Variants in CADM1 observed in about 807,000 individuals in gnomAD.
CADM1 encodes the protein TSLC-1.
A neutral mutation model predicts 53.1 loss-of-function variants in CADM1; 15 were observed. The ratio of observed to expected loss-of-function variants is 0.28; its 90% CI spans 0.19 to 0.44. The LOEUF (loss-of-function observed/expected upper bound fraction) is 0.44. CADM1 is among the 20% of genes least tolerant of loss of function. The pLI is 1.00. For missense variants in CADM1, 434 were observed against 611.3 expected, an observed-to-expected ratio of 0.71 and a Z score of 3.06; for synonymous variants, 281 against 243.0, an observed-to-expected ratio of 1.16 and a Z score of -1.45.
At chr11:115,358,174 C>T (rs1190339406) in intron 1 of CADM1, among the ~76,000 whole-genome samples, 1 of 151,434 alleles carries the variant, frequency 6.6e-6, no homozygotes, top group Non-Finnish European at 1.5e-5. Flanking sequence ...GCAGCACCAT[C>T]CACCACCTCT....
intron 1 of CADM1, among the ~76,000 whole-genome samples, chr11:115,354,280 T>C (rs552306956): frequency 1.3e-5 from 2 of 152,336 alleles, no homozygotes; most frequent in African/African-American, 4.8e-5. Flanking sequence ...TAAGCATGAT[T>C]ATTCATGTTT....
chr11:115,410,636 C>T (rs905390306), intron 1 of CADM1, among the ~76,000 whole-genome samples: 1 of 151,970 alleles, frequency 6.6e-6, no homozygotes. Flanking sequence ...CAGAAAGGTG[C>T]TCTTCGATGT....
chr11:115,395,255 C>A (rs1488551630), intron 1 of CADM1, among the ~76,000 whole-genome samples: 1 of 152,076 alleles, frequency 6.6e-6, no homozygotes, highest in Non-Finnish European at 1.5e-5. Context: ...ACGTAAAGTA[C>A]AGAAAACAAA....
At chr11:115,205,147 A>T (rs1033118158) in intron 8 of CADM1, among the ~76,000 whole-genome samples, 4 of 152,174 alleles carry the variant, frequency 2.6e-5, no homozygotes, top group African/African-American at 9.7e-5. Flanking sequence ...AACTCCTCCC[A>T]GCCTGAATTT....
At chr11:115,248,322 G>T (rs964444026) in intron 1 of CADM1, among the ~76,000 whole-genome samples, 3 of 152,154 alleles carry the variant, frequency 2.0e-5, no homozygotes, top group African/African-American at 7.2e-5. Flanking sequence ...CATCACATTA[G>T]CTGCCTTCCC....
At chr11:115,255,933 C>G (rs1476012801) in intron 1 of CADM1, among the ~76,000 whole-genome samples, 1 of 152,220 alleles carries the variant, frequency 6.6e-6, no homozygotes. Context: ...TTATTCTGCA[C>G]TTAATTGCAA....
In CADM1 at chr11:115,214,765, A is replaced by G. The variant is rs772994747; in HGVS notation, c.837T>C (p.Thr279=). The stretch of plus-strand genomic sequence containing the variant: ...GCATTTCATCATCGACTCTCACCCA[A>G]GTTACCATCACAGGCCTGCAGGGGG... ...AIGKPQPVMV[T]WVRVDDEMPQ... The change falls in exon 7 of 12, where the codon ACT becomes ACC. Residue 279 remains threonine (T), a synonymous_variant. Coordinates refer to ENST00000331581, the MANE Select transcript of CADM1 (RefSeq NM_001301043.2). The G allele has an allele frequency of 3.7e-6, 6 of 1,613,836 alleles. No individual in the cohort carries two copies. The South Asian group carries it at 5.5e-5, about 15-fold the overall frequency.
chr11:115,311,579 C>T (rs1001145313), intron 1 of CADM1, among the ~76,000 whole-genome samples: 4 of 152,030 alleles, frequency 2.6e-5, no homozygotes, highest in Admixed American at 6.6e-5. Context: ...TGGACCCACG[C>T]AGTTCAAACA....
intron 1 of CADM1, among the ~76,000 whole-genome samples, chr11:115,361,419 A>G (rs1946025724): frequency 6.6e-6 from 1 of 152,184 alleles, no homozygotes; most frequent in Admixed American, 6.5e-5. Context: ...TCCAGCTCTC[A>G]CTTGAAACAT....
intron 1 of CADM1, among the ~76,000 whole-genome samples, chr11:115,243,394 G>A (rs1942307576): frequency 6.6e-6 from 1 of 152,100 alleles, no homozygotes; most frequent in African/African-American, 2.4e-5. Flanking sequence ...GATATCAAAG[G>A]GCCTTGTCTG....
chr11:115,278,262 A>G (rs538089879), intron 1 of CADM1, among the ~76,000 whole-genome samples: 2 of 152,312 alleles, frequency 1.3e-5, no homozygotes, highest in African/African-American at 2.4e-5. Flanking sequence ...CACATAGAAA[A>G]TGTTCAGTAA....
intron 1 of CADM1, among the ~76,000 whole-genome samples, chr11:115,471,109 A>G (rs1949001109): frequency 6.6e-6 from 1 of 152,104 alleles, no homozygotes; most frequent in Non-Finnish European, 1.5e-5. Context: ...ATTCATGTAC[A>G]TTTTCCTTTC....
intron 1 of CADM1, among the ~76,000 whole-genome samples, chr11:115,258,762 C>T (rs1337948551): frequency 1.3e-5 from 2 of 152,206 alleles, no homozygotes; most frequent in Non-Finnish European, 2.9e-5. Context: ...CTCCGTCTCT[C>T]AAATCTAAGG....
chr11:115,206,785 T>TTTTTTTTTTTA (rs1940716511), intron 8 of CADM1, among the ~76,000 whole-genome samples: 1 of 138,856 alleles, frequency 7.2e-6, no homozygotes. Flanking sequence ...TTTTTTTTTT[T>TTTTTTTTTTTA]TTTTAAGCTC....
intron 1 of CADM1, among the ~76,000 whole-genome samples, chr11:115,254,381 C>T (rs1591645595): frequency 6.6e-6 from 1 of 151,908 alleles, no homozygotes; most frequent in East Asian, 1.9e-4. Context: ...AGGGTTTTTG[C>T]TTTCAAAATT....
chr11:115,263,696 G>A (rs1943043092), intron 1 of CADM1, among the ~76,000 whole-genome samples: 2 of 151,856 alleles, frequency 1.3e-5, no homozygotes, highest in African/African-American at 2.4e-5. Context: ...TGACCATTGC[G>A]AGTTCTTTCT....
intron 1 of CADM1, among the ~76,000 whole-genome samples, chr11:115,339,510 A>G (rs1945365539): frequency 6.6e-6 from 1 of 152,186 alleles, no homozygotes; most frequent in Non-Finnish European, 1.5e-5. Flanking sequence ...TGGTGTAATT[A>G]AAAAAATCAA....
chr11:115,462,740 C>A (rs1236445455), intron 1 of CADM1, among the ~76,000 whole-genome samples: 1 of 152,184 alleles, frequency 6.6e-6, no homozygotes, highest in East Asian at 1.9e-4. Context: ...TCTGTCCAGG[C>A]AGAGGCTGGG....
chr11:115,336,112 C>T (rs973319477), intron 1 of CADM1, among the ~76,000 whole-genome samples: 1 of 152,128 alleles, frequency 6.6e-6, no homozygotes, highest in Non-Finnish European at 1.5e-5. Context: ...CAAGGTCAAG[C>T]TTTCATAAAA....
Sources: allele counts gnomAD v4.1 joint callset (sites outside exome capture counted in the v4.1 genomes callset), GRCh38; gene constraint gnomAD v4.1.1; transcripts MANE v1.5; gene names NCBI Gene and HGNC (gene_info 2026-07-23, HGNC 2026-07-21).